BSPRY: variants seen among roughly 807,000 people sequenced by gnomAD.
BSPRY encodes the protein B-box and SPRY domain containing.
BSPRY carries 33 observed loss-of-function variants against 38.0 expected under a neutral mutation model. The observed-to-expected ratio is 0.87, with a 90% CI of 0.66 to 1.16. The LOEUF is 1.16. BSPRY is among the 50% of genes most tolerant of loss of function. The pLI is 0.00. For missense variants in BSPRY, 523 were observed against 533.2 expected, an observed-to-expected ratio of 0.98 and a Z score of 0.19; for synonymous variants, 224 against 228.5, an observed-to-expected ratio of 0.98 and a Z score of 0.18.
chr9:113,370,106 T>C lies in BSPRY; in HGVS notation c.1173T>C (p.Phe391=), dbSNP rs1253363426. 1 of 1,599,982 alleles carries C rather than the reference T, an allele frequency of 6.3e-7. No individual in the cohort carries two copies. Among genetic ancestry groups the C allele is most frequent in the South Asian group, 1.1e-5 (1 of 89,132 alleles). ...TCCCGGGGCCCCTCTTCCCAGTCTT[T>C]GCTGTGGCCGATCAGACCATTTCTA... ...VSFPGPLFPV[F]AVADQTISIV... The change falls in exon 6 of 6, where the codon TTT becomes TTC. Residue 391 remains phenylalanine (F), a synonymous_variant. Coordinates refer to ENST00000374183, the MANE Select transcript of BSPRY (RefSeq NM_017688.3). The surrounding 1 kb of genome is among the most constrained non-coding windows in gnomAD (Gnocchi z 4.8).
intron 3 of BSPRY, 104 bp downstream of exon 3, chr9:113,360,841 T>C (rs1834142290): frequency 1.0e-6 from 1 of 1,003,310 alleles, no homozygotes. Flanking sequence ...AATGAGAATT[T>C]GGAGCAGGGA....
At position 113,370,086 on chromosome 9, in the gene BSPRY, G is replaced by A. The variant is rs936239979; in HGVS notation, c.1153G>A (p.Gly385Arg). The A allele has an allele frequency of 2.5e-5, 41 of 1,609,540 alleles. No individual in the cohort carries two copies. Among genetic ancestry groups the A allele is most frequent in the Non-Finnish European group, 3.1e-5 (36 of 1,178,166 alleles). The change falls in exon 6 of 6, where the codon GGG becomes AGG. Residue 385 changes from glycine (G) to arginine (R), a missense_variant. Transcript: ENST00000374183. The surrounding 1 kb of genome is among the most constrained non-coding windows in gnomAD (Gnocchi z 4.8). ...VLCAHHVSFP[G>R]PLFPVFAVAD... Reference sequence around the variant, plus strand: ...CTGTGCCCATCATGTGTCCTTCCCGGGGCCCCTCTTCCCAGTCTTTGCTGT... The same window carrying A: ...CTGTGCCCATCATGTGTCCTTCCCGAGGCCCCTCTTCCCAGTCTTTGCTGT...
intron 2 of BSPRY, among the ~76,000 whole-genome samples, chr9:113,357,570 C>CT (rs1346910912): frequency 1.3e-5 from 2 of 152,074 alleles, no homozygotes; most frequent in Non-Finnish European, 2.9e-5. Context: ...AAACAGAACT[C>CT]TTTTTTCTTA....
At chr9:113,362,237 G>A in intron 3 of BSPRY, 132 bp from the exon 4 acceptor site, 1 of 656,894 alleles carries the variant, frequency 1.5e-6, no homozygotes, top group Non-Finnish European at 2.7e-6. Flanking sequence ...AAAGCTTTAT[G>A]CTGGTCTTAA....
chr9:113,369,725 T>C lies in BSPRY; in HGVS notation c.792T>C (p.Asp264=), dbSNP rs772538418. The change falls in exon 6 of 6, where the codon GAT becomes GAC. Residue 264 remains aspartate, a synonymous_variant. Transcript: ENST00000374183. ...CCAAGAAGTCAAAGGCCTGTGCAGA[T>C]GGCCCGGAGCGCTTCGACCACTGGC... ...FSTKKSKACA[D]GPERFDHWPN... 6.2e-7 allele frequency: 1 copy of C among 1,614,246 alleles called. No homozygotes were observed. Among genetic ancestry groups the C allele is most frequent in the Non-Finnish European group, 8.5e-7 (1 of 1,180,046 alleles).
chr9:113,361,635 A>G (rs947437116), intron 3 of BSPRY, among the ~76,000 whole-genome samples: 1 of 152,172 alleles, frequency 6.6e-6, no homozygotes, highest in Non-Finnish European at 1.5e-5. Flanking sequence ...GAAAGATAAG[A>G]AAACTAGCTG....
rs142903187 is a variant in BSPRY, at chr9:113,365,560, G to A, written c.558-2699G>A. On this transcript the variant is annotated intron_variant, in intron 4 of 5. Transcript: ENST00000374183. The stretch of plus-strand genomic sequence containing the variant: ...CAAGAAGAAAACCCCAGCTCAACTT[G>A]TGCTTTTCCTGCCCCTGAATCAGCT... Among the ~76,000 whole-genome samples, 389 of 152,298 alleles carry A rather than the reference G, an allele frequency of 2.6e-3. 1 individual carries two copies. Among genetic ancestry groups the A allele is most frequent in the Non-Finnish European group, 4.2e-3 (289 of 68,034 alleles).
Position 113,370,695 on chromosome 9 carries a change from G to A in BSPRY, c.*553G>A, listed in dbSNP as rs1356370440. 6.6e-6 allele frequency: 1 copy of A among 152,270 alleles called. No individual in the cohort carries two copies. The highest frequency in any genetic ancestry group is 1.9e-4 in the East Asian group (1 of 5,198). The allele number at this position is 152,270 out of a possible 1,614,324, so 9.4% of individuals were successfully genotyped here. ...TGGATAGATGGATAGGTGAATGTAG[G>A]TGGACAGGTGACTGGGTGGATGTTG... On this transcript the variant is annotated 3_prime_UTR_variant, in exon 6 of 6. Coordinates refer to ENST00000374183, the MANE Select transcript of BSPRY (RefSeq NM_017688.3). This position sits in a 1 kb window ranked among gnomAD's most constrained non-coding sequence, Gnocchi z 4.8.
At chr9:113,360,075 A>C (rs962769696) in intron 2 of BSPRY, among the ~76,000 whole-genome samples, 3 of 152,090 alleles carry the variant, frequency 2.0e-5, no homozygotes, top group African/African-American at 7.2e-5. Context: ...TTTTCCCTCA[A>C]ACATGGTGAA....
At chr9:113,355,618 T>G (rs1235196284) in intron 2 of BSPRY, among the ~76,000 whole-genome samples, 2 of 73,958 alleles carry the variant, frequency 2.7e-5, no homozygotes, top group Admixed American at 1.4e-4. Flanking sequence ...AAATCCTGGC[T>G]TTTTTTTTTT....
At chr9:113,352,821 G>A (rs1331978234) in intron 1 of BSPRY, among the ~76,000 whole-genome samples, 6 of 152,182 alleles carry the variant, frequency 3.9e-5, no homozygotes, top group Admixed American at 3.3e-4. Flanking sequence ...TCCTGTGAGA[G>A]ATCATGGCAA....
chr9:113,369,882 C>T lies in BSPRY; in HGVS notation c.949C>T (p.Arg317Cys), dbSNP rs533038118. 5.1e-5 allele frequency: 83 copies of T among 1,614,112 alleles called. No individual in the cohort carries two copies. The highest frequency in any genetic ancestry group is 2.1e-4 in the South Asian group (19 of 91,094). Residue 317 changes from arginine (R) to cysteine (C), a missense_variant, in exon 6 of 6, where the codon CGT becomes TGT. By Grantham distance (180) the Arg-to-Cys change is radical (BLOSUM62 -3). Coordinates refer to ENST00000374183, the MANE Select transcript of BSPRY (RefSeq NM_017688.3). Reference sequence around the variant, plus strand: ...CCGCAAGGGTTCTGGCAGTGACTGCCGTCTGGGCCACAATGCCTTCTCCTG... The same window carrying T: ...CCGCAAGGGTTCTGGCAGTGACTGCTGTCTGGGCCACAATGCCTTCTCCTG... ...LPRKGSGSDC[R>C]LGHNAFSWVF...
chr9:113,349,661 G>C lies in BSPRY; in HGVS notation c.82G>C (p.Ala28Pro). The change falls in exon 1 of 6, where the codon GCT becomes CCT. Residue 28 changes from alanine to proline, a missense_variant. Physicochemically the swap from Ala to Pro is conservative, Grantham distance 27. Transcript: ENST00000374183. ...GCCACTCTGCCCCGAACACGGCCAG[G>C]CTCTGAGCTGGTTCTGCGGCTCCGA... ...PGPLCPEHGQ[A>P]LSWFCGSERR... 8.1e-7 allele frequency: 1 copy of C among 1,240,284 alleles called. No homozygotes were observed. The highest frequency in any genetic ancestry group is 1.0e-6 in the Non-Finnish European group (1 of 991,034). 76.8% of individuals were successfully genotyped at this position (1,240,284 alleles called of 1,614,324 possible).
At chr9:113,367,011 C>T (rs1201628482) in intron 4 of BSPRY, among the ~76,000 whole-genome samples, 1 of 152,176 alleles carries the variant, frequency 6.6e-6, no homozygotes, top group Non-Finnish European at 1.5e-5. Context: ...GCACCTAGGT[C>T]AAAAGGCTGC....
At chr9:113,365,971 A>AT (rs747448105) in intron 4 of BSPRY, among the ~76,000 whole-genome samples, 1 of 151,834 alleles carries the variant, frequency 6.6e-6, no homozygotes, top group African/African-American at 2.4e-5. Context: ...CACCCAGCTA[A>AT]TTTTTGTAAT....
chr9:113,358,299 T>C (rs1362589968), intron 2 of BSPRY, among the ~76,000 whole-genome samples: 3 of 151,458 alleles, frequency 2.0e-5, no homozygotes, highest in Admixed American at 2.0e-4. Context: ...GACAGAGTCT[T>C]GCCCTGTCAC....
Position 113,370,008 on chromosome 9 carries a change from G to A in BSPRY, c.1075G>A (p.Asp359Asn), listed in dbSNP as rs994484743. 1.2e-6 allele frequency: 2 copies of A among 1,614,112 alleles called. No individual in the cohort carries two copies. Among genetic ancestry groups the A allele is most frequent in the Non-Finnish European group, 8.5e-7 (1 of 1,180,024 alleles). ...RGPAQLGVVL[D>N]LQVQELLFYE... ...CCCAGCCCAGCTGGGTGTAGTGCTG[G>A]ACTTGCAGGTTCAGGAGCTGCTCTT... is the stretch of plus-strand genomic sequence containing the variant. The change falls in exon 6 of 6, where the codon GAC becomes AAC. Residue 359 changes from aspartate to asparagine, a missense_variant. Asp to Asn is a conservative substitution (Grantham distance 23). Coordinates refer to ENST00000374183, the MANE Select transcript of BSPRY (RefSeq NM_017688.3). The surrounding 1 kb of genome is among the most constrained non-coding windows in gnomAD (Gnocchi z 4.8).
chr9:113,364,368 G>C (rs1834210051), intron 4 of BSPRY, among the ~76,000 whole-genome samples: 1 of 152,150 alleles, frequency 6.6e-6, no homozygotes, highest in Admixed American at 6.5e-5. Flanking sequence ...CCTAACGCAT[G>C]CTTGGCTTGT....
In BSPRY at chr9:113,370,241, G is replaced by T; in HGVS notation, c.*99G>T. ...CAAATGATGTGTGTGGTGTTTCTAA[G>T]AGAAACAGGGCCCATAACCAGTGGG... On this transcript the variant is annotated 3_prime_UTR_variant, in exon 6 of 6. Transcript: ENST00000374183. The surrounding 1 kb of genome is among the most constrained non-coding windows in gnomAD (Gnocchi z 4.8). 2 of 1,388,320 alleles carry T rather than the reference G, an allele frequency of 1.4e-6. No individual in the cohort carries two copies. The highest frequency in any genetic ancestry group is 1.9e-6 in the Non-Finnish European group (2 of 1,026,592). The allele number at this position is 1,388,320 out of a possible 1,614,324, so 86.0% of individuals were successfully genotyped here. A position where few individuals can be genotyped will look rare whatever the true frequency, so the allele number is the denominator to read the frequency against.
Sources: gnomAD v4.1 joint callset for allele counts (sites outside exome capture counted in the v4.1 genomes callset) on GRCh38, gnomAD v4.1.1 for gene constraint, Gnocchi (gnomAD v3.1) non-coding constraint, MANE v1.5 for transcripts, NCBI Gene and HGNC (gene_info 2026-07-23, HGNC 2026-07-21) for gene names.